The following GMFG variants were observed in gnomAD, a reference collection of about 807,000 sequenced individuals.
GMFG encodes the protein glia maturation factor gamma.
A neutral mutation model predicts 26.1 loss-of-function variants in GMFG; 21 were observed. That is an observed-to-expected ratio of 0.80 (90% CI 0.57 to 1.16). The LOEUF (loss-of-function observed/expected upper bound fraction) is 1.16, where lower values mean the gene tolerates loss of function less well. Among genes scored for constraint, GMFG ranks in the 50% most tolerant of loss-of-function variants. The probability of loss-of-function intolerance (pLI) is 0.00; values close to 1 mark genes in which losing one functional copy is unlikely to be tolerated. For synonymous variants in GMFG, 65 were observed against 60.8 expected (o/e 1.07, Z -0.32); for missense variants, 161 against 178.3 (o/e 0.90, Z 0.55).
chr19:39,329,215 T>C, intron 5 of GMFG, 142 bp from the exon 6 acceptor site: 2 of 623,704 alleles, frequency 3.2e-6, no homozygotes, highest in South Asian at 3.9e-5. Flanking sequence ...ACTCAGTTTC[T>C]AGGTTGGCTT....
chr19:39,332,193 G>T (rs1316151607), intron 4 of GMFG, among the ~76,000 whole-genome samples: 1 of 151,922 alleles, frequency 6.6e-6, no homozygotes, highest in Non-Finnish European at 1.5e-5. Flanking sequence ...ATCCAGACAT[G>T]GTGGTGGGCC....
chr19:39,334,855 T>A (rs1000754965), intron 3 of GMFG, among the ~76,000 whole-genome samples: 31 of 152,126 alleles, frequency 2.0e-4, no homozygotes, highest in African/African-American at 6.8e-4. Flanking sequence ...TTTTGTTTTT[T>A]GTTTTTGTTT....
At chr19:39,335,605 A>C in intron 1 of GMFG, 74 bp from the exon 2 acceptor site, 2 of 999,468 alleles carry the variant, frequency 2.0e-6, no homozygotes, top group South Asian at 2.5e-5. Flanking sequence ...CTGTTTCTCC[A>C]TCCACTAATG....
At chr19:39,333,371 G>A (rs1344811653) in intron 3 of GMFG, among the ~76,000 whole-genome samples, 8 of 152,002 alleles carry the variant, frequency 5.3e-5, no homozygotes, top group Non-Finnish European at 7.4e-5. Context: ...GCTTGAATCC[G>A]GGATGCAGAG....
chr19:39,332,324 T>G (rs908229943), intron 4 of GMFG, among the ~76,000 whole-genome samples: 3 of 143,618 alleles, frequency 2.1e-5, no homozygotes, highest in Non-Finnish European at 4.5e-5. Flanking sequence ...AGCGAGACTC[T>G]GTCTCTAACA....
chr19:39,332,976 G>T, intron 4 of GMFG, 101 bp downstream of exon 4: 1 of 737,870 alleles, frequency 1.4e-6, no homozygotes, highest in Non-Finnish European at 2.3e-6. Context: ...GAGATTCAAA[G>T]TCCATGAATA....
At chr19:39,334,982 TGTGATTACAG>T (rs2075243079) in intron 3 of GMFG, among the ~76,000 whole-genome samples, 1 of 152,200 alleles carries the variant, frequency 6.6e-6, no homozygotes, top group African/African-American at 2.4e-5. Context: ...CCCAAGTAGC[TGTGATTACAG>T]GTGCCCACCA....
At chr19:39,329,493 C>A in intron 5 of GMFG, 51 bp downstream of exon 5, 5 of 1,054,360 alleles carry the variant, frequency 4.7e-6, no homozygotes, top group Non-Finnish European at 5.9e-6. Flanking sequence ...CACAAACACA[C>A]ACACACAGAA....
At position 39,329,090 on chromosome 19, in the gene GMFG, A is replaced by C. The variant is rs200182981; in HGVS notation, c.284-17T>G. On this transcript the variant is annotated splice_polypyrimidine_tract_variant and intron_variant, in intron 5 of 6. Coordinates refer to ENST00000597595, the MANE Select transcript of GMFG (RefSeq NM_004877.4). ...GCTTGCAGCCTGCGTGGAAAAGAGG[A>C]GAAAGGCACATCAGTGGGGACCCAG... The C allele has an allele frequency of 6.3e-7, 1 of 1,588,864 alleles. No homozygotes were observed. The highest frequency in any genetic ancestry group is 2.2e-5 in the East Asian group (1 of 44,776).
chr19:39,334,102 C>T (rs936082752), intron 3 of GMFG, among the ~76,000 whole-genome samples: 14 of 149,794 alleles, frequency 9.3e-5, no homozygotes, highest in African/African-American at 3.2e-4. Context: ...CTGCAAGCTC[C>T]GCCTCCGGGG....
intron 1 of GMFG, 68 bp downstream of exon 1, chr19:39,335,906 C>T: frequency 4.5e-6 from 5 of 1,107,188 alleles, no homozygotes; most frequent in Non-Finnish European, 6.9e-6. Context: ...GACCTTCGCC[C>T]AGGTGTCCTC....
chr19:39,330,242 G>A (rs2075221050), intron 4 of GMFG, among the ~76,000 whole-genome samples: 1 of 152,096 alleles, frequency 6.6e-6, no homozygotes, highest in African/African-American at 2.4e-5. Context: ...GTGAATGCCA[G>A]CGTGTAAGTT....
At chr19:39,330,820 G>A (rs900773522) in intron 4 of GMFG, among the ~76,000 whole-genome samples, 1 of 151,990 alleles carries the variant, frequency 6.6e-6, no homozygotes, top group Non-Finnish European at 1.5e-5. Context: ...GGCTGGTCTC[G>A]AACTCCTGAG....
intron 5 of GMFG, among the ~76,000 whole-genome samples, 168 bp from the exon 6 acceptor site, chr19:39,329,241 T>C (rs1342555311): frequency 6.6e-6 from 1 of 152,190 alleles, no homozygotes; most frequent in Non-Finnish European, 1.5e-5. Flanking sequence ...CTTCAAGTTA[T>C]TCTGAGGGTC....
intron 4 of GMFG, among the ~76,000 whole-genome samples, chr19:39,330,214 A>G (rs1194691275): frequency 2.0e-5 from 3 of 152,144 alleles, no homozygotes; most frequent in Non-Finnish European, 4.4e-5. Flanking sequence ...GATAGGGGAG[A>G]GATTTGAACC....
At chr19:39,332,656 CTTTT>C (rs59277772) in intron 4 of GMFG, among the ~76,000 whole-genome samples, 2 of 111,298 alleles carry the variant, frequency 1.8e-5, no homozygotes, top group African/African-American at 3.5e-5. Context: ...CACAGAGATT[CTTTT>C]TTTTTTTTTT....
intron 4 of GMFG, among the ~76,000 whole-genome samples, chr19:39,332,360 G>A (rs915038219): frequency 1.3e-5 from 2 of 151,306 alleles, no homozygotes; most frequent in African/African-American, 4.9e-5. Context: ...TAGAGACAAG[G>A]TCTTGCTATG....
At chr19:39,333,581 CAAAAAA>C (rs750367671) in intron 3 of GMFG, among the ~76,000 whole-genome samples, 1 of 47,322 alleles carries the variant, frequency 2.1e-5, no homozygotes, top group Non-Finnish European at 4.8e-5. Context: ...AACTCCGTCT[CAAAAAA>C]AAAAAAAAAA....
At position 39,329,528 on chromosome 19, in the gene GMFG, T is replaced by G; in HGVS notation, c.283+16A>C. On this transcript the variant is annotated intron_variant, in intron 5 of 6. Transcript: ENST00000597595. ...ATCGAAGACCCTCTCCTGAGGACAGTAGAGCTGTGTCTCACCCACAGGGCT... is the reference window on the plus strand; with the variant it reads ...ATCGAAGACCCTCTCCTGAGGACAGGAGAGCTGTGTCTCACCCACAGGGCT... 1 of 1,463,424 alleles carries G rather than the reference T, an allele frequency of 6.8e-7. No individual in the cohort carries two copies. The highest frequency in any genetic ancestry group is 9.6e-7 in the Non-Finnish European group (1 of 1,042,982). 90.7% of individuals were successfully genotyped at this position (1,463,424 alleles called of 1,614,324 possible).
Sources: gnomAD v4.1 joint callset for allele counts (sites outside exome capture counted in the v4.1 genomes callset) on GRCh38, gnomAD v4.1.1 for gene constraint, MANE v1.5 for transcripts, NCBI Gene and HGNC (gene_info 2026-07-23, HGNC 2026-07-21) for gene names.